Variants in ANK3 observed in about 807,000 individuals in gnomAD.
ANK3 encodes ankyrin-3.
Under a neutral mutation model 370.9 loss-of-function variants are expected in ANK3, and 57 were observed. The observed-to-expected ratio is 0.15, with a 90% CI of 0.12 to 0.19. The LOEUF is 0.19. Ranked by LOEUF, ANK3 falls within the 10% of genes least tolerant of loss-of-function variation. The probability of loss-of-function intolerance (pLI) is 1.00; values close to 1 mark genes in which losing one functional copy is unlikely to be tolerated. For synonymous variants in ANK3, 1,929 were observed against 1,946.3 expected (o/e 0.99, Z 0.23); for missense variants, 4,439 against 5,302.1 (o/e 0.84, Z 5.06).
At chr10:60,100,153 C>G (rs1290429333) in intron 28 of ANK3, among the ~76,000 whole-genome samples, 3 of 150,216 alleles carry the variant, frequency 2.0e-5, no homozygotes, top group African/African-American at 7.4e-5. Context: ...GTTTCCTTTC[C>G]TTTCCAACAC....
intron 25 of ANK3, among the ~76,000 whole-genome samples, chr10:60,132,684 T>C (rs574601591): frequency 6.6e-6 from 1 of 152,084 alleles, no homozygotes; most frequent in African/African-American, 2.4e-5. Context: ...TGGTGCAATC[T>C]TGGCTCACTG....
intron 7 of ANK3, among the ~76,000 whole-genome samples, chr10:60,256,711 G>C (rs2097742664): frequency 6.6e-6 from 1 of 152,122 alleles, no homozygotes; most frequent in Non-Finnish European, 1.5e-5. Context: ...TAGTAAATGA[G>C]AATACGTAGT....
chr10:60,212,063 T>C (rs1266764028), intron 9 of ANK3, among the ~76,000 whole-genome samples: 1 of 152,030 alleles, frequency 6.6e-6, no homozygotes, highest in East Asian at 1.9e-4. Flanking sequence ...AGAAGCTATC[T>C]GATAACAAGA....
chr10:60,087,276 A>G (rs1179517783), intron 29 of ANK3, among the ~76,000 whole-genome samples: 1 of 152,206 alleles, frequency 6.6e-6, no homozygotes, highest in Non-Finnish European at 1.5e-5. Context: ...ATACCCACAT[A>G]AAAACCGAGG....
chr10:60,365,599 A>C (rs1270137214), intron 1 of ANK3, among the ~76,000 whole-genome samples: 2 of 152,260 alleles, frequency 1.3e-5, no homozygotes, highest in East Asian at 3.8e-4. Context: ...CCAAGATTTA[A>C]TCAGAAGTAT....
At chr10:60,399,313 T>C (rs2063307791) in intron 2 of ANK3, among the ~76,000 whole-genome samples, 1 of 152,144 alleles carries the variant, frequency 6.6e-6, no homozygotes, top group South Asian at 2.1e-4. Flanking sequence ...AGAAACTCTA[T>C]CTACTCTGAA....
chr10:60,300,736 C>A (rs1368271295), intron 1 of ANK3, among the ~76,000 whole-genome samples: 3 of 152,098 alleles, frequency 2.0e-5, no homozygotes, highest in Non-Finnish European at 2.9e-5. Context: ...TGCTTATCAG[C>A]ACTTTCCTCT....
intron 1 of ANK3, among the ~76,000 whole-genome samples, chr10:60,698,060 A>G (rs1179417247): frequency 2.0e-5 from 3 of 152,194 alleles, no homozygotes; most frequent in Non-Finnish European, 4.4e-5. Flanking sequence ...ATTTACAAGA[A>G]AAAAACAAAC....
chr10:60,164,090 G>C (rs1266490826), intron 23 of ANK3, among the ~76,000 whole-genome samples: 1 of 152,186 alleles, frequency 6.6e-6, no homozygotes, highest in African/African-American at 2.4e-5. Context: ...CATTCAAGTT[G>C]TAGGGGTCCT....
intron 2 of ANK3, among the ~76,000 whole-genome samples, chr10:60,497,883 CA>C (rs916682831): frequency 1.3e-5 from 2 of 152,136 alleles, no homozygotes; most frequent in Non-Finnish European, 2.9e-5. Flanking sequence ...ATAAATCACC[CA>C]CAAAATTTCA....
In ANK3 at chr10:60,698,258, G is replaced by A. The variant is rs535431372; in HGVS notation, c.57+35005C>T. Among the ~76,000 whole-genome samples, 1,086 of 149,962 alleles carry A rather than the reference G, an allele frequency of 7.2e-3. 12 individuals carry two copies. Among genetic ancestry groups the A allele is most frequent in the African/African-American group, 0.025 (1,030 of 40,942 alleles). ...ATTAAAAAGTCAGGAAACAACAGGT[G>A]CTGGAGAGGATGTGGAGAAATAGGA... On this transcript the variant is annotated intron_variant, in intron 1 of 43. Transcript: ENST00000373827.
At chr10:60,474,131 T>C (rs1261120268) in intron 2 of ANK3, among the ~76,000 whole-genome samples, 1 of 151,992 alleles carries the variant, frequency 6.6e-6, no homozygotes, top group African/African-American at 2.4e-5. Context: ...AGACCCTATC[T>C]CTAATAAATA....
intron 25 of ANK3, among the ~76,000 whole-genome samples, chr10:60,126,876 G>A (rs975794242): frequency 1.3e-5 from 2 of 152,150 alleles, no homozygotes; most frequent in Admixed American, 6.5e-5. Flanking sequence ...TTGATATGTG[G>A]TTGTTCCTAC....
chr10:60,130,160 G>C lies in ANK3; in HGVS notation c.2841+4111C>G, dbSNP rs147292249. 1.5e-4 allele frequency among the ~76,000 whole-genome samples: 23 copies of C among 152,262 alleles called. No individual in the cohort carries two copies. In the East Asian group the frequency reaches 4.4e-3, roughly 29 times the overall value. ...GTCCAGGAGGGAATTAAGTGGATTA[G>C]GACTAAGTACTCAGGCTCAACAGGG... is the stretch of plus-strand genomic sequence containing the variant. On this transcript the variant is annotated intron_variant, in intron 25 of 43. Coordinates refer to ENST00000280772, the MANE Select transcript of ANK3 (RefSeq NM_020987.5).
chr10:60,577,159 G>A (rs2077693351), intron 2 of ANK3, among the ~76,000 whole-genome samples: 1 of 152,156 alleles, frequency 6.6e-6, no homozygotes, highest in South Asian at 2.1e-4. Context: ...GAGTGAGAGG[G>A]AATAGGTGGC....
At chr10:60,248,884 A>T (rs2097598470) in intron 7 of ANK3, among the ~76,000 whole-genome samples, 1 of 152,218 alleles carries the variant, frequency 6.6e-6, no homozygotes, top group Non-Finnish European at 1.5e-5. Context: ...GGCAAACATT[A>T]GCTCCAGCTC....
At chr10:60,126,611 C>A (rs975741855) in intron 25 of ANK3, among the ~76,000 whole-genome samples, 2 of 151,704 alleles carry the variant, frequency 1.3e-5, no homozygotes, top group African/African-American at 2.4e-5. Flanking sequence ...CTGCTTGAAT[C>A]CGGGAGGTAG....
At chr10:60,515,422 A>T (rs2076194070) in intron 2 of ANK3, among the ~76,000 whole-genome samples, 1 of 152,188 alleles carries the variant, frequency 6.6e-6, no homozygotes, top group Admixed American at 6.5e-5. Flanking sequence ...CAGAAAGAGG[A>T]TCTTCATGAT....
chr10:60,336,093 G>GT (rs2052776331), intron 1 of ANK3, among the ~76,000 whole-genome samples: 1 of 149,672 alleles, frequency 6.7e-6, no homozygotes, highest in African/African-American at 2.6e-5. Flanking sequence ...AGTTTGGCGG[G>GT]GGGGGGAAGC....
Sources: allele counts gnomAD v4.1 joint callset (sites outside exome capture counted in the v4.1 genomes callset), GRCh38; gene constraint gnomAD v4.1.1; transcripts MANE v1.5; gene names NCBI Gene and HGNC (gene_info 2026-07-23, HGNC 2026-07-21).